The following SUGCT variants were observed in gnomAD, a reference collection of about 807,000 sequenced individuals.
The protein encoded by SUGCT is succinyl-CoA:glutarate-CoA transferase, also known as succinyl-CoA:glutarate CoA-transferase.
A neutral mutation model predicts 55.0 loss-of-function variants in SUGCT; 41 were observed. The observed-to-expected ratio is 0.74, with a 90% CI of 0.58 to 0.97. SUGCT has a LOEUF of 0.97. SUGCT is among the 50% of genes least tolerant of loss of function. The pLI, the probability that SUGCT is intolerant of heterozygous loss-of-function variation, is 0.00. For missense variants in SUGCT, 568 were observed against 547.8 expected, an observed-to-expected ratio of 1.04 and a Z score of -0.37; for synonymous variants, 187 against 200.4, an observed-to-expected ratio of 0.93 and a Z score of 0.56.
At chr7:40,293,112 A>T (rs1264390882) in intron 8 of SUGCT, among the ~76,000 whole-genome samples, 3 of 152,026 alleles carry the variant, frequency 2.0e-5, no homozygotes, top group Admixed American at 1.3e-4. Flanking sequence ...TTTTAATTGT[A>T]TGTAGTCATA....
At chr7:40,452,228 T>G (rs144406583) in intron 10 of SUGCT, among the ~76,000 whole-genome samples, 2 of 152,324 alleles carry the variant, frequency 1.3e-5, no homozygotes, top group East Asian at 3.9e-4. Flanking sequence ...CAAGTCCTAC[T>G]TAATGTTCCT....
chr7:40,776,049 G>A (rs979548755), intron 13 of SUGCT, among the ~76,000 whole-genome samples: 9 of 152,168 alleles, frequency 5.9e-5, no homozygotes, highest in African/African-American at 2.2e-4. Context: ...CCTTGGCCAA[G>A]TTCCTGCTGA....
the SUGCT span, among the ~76,000 whole-genome samples, chr7:40,986,816 A>C: frequency 6.6e-6 from 1 of 152,116 alleles, no homozygotes; most frequent in Non-Finnish European, 1.5e-5. Context: ...GCCATTATGC[A>C]ATTCTCCCTA....
At chr7:40,815,268 G>GTA (rs1791610442) in intron 13 of SUGCT, among the ~76,000 whole-genome samples, 1 of 152,236 alleles carries the variant, frequency 6.6e-6, no homozygotes, top group Admixed American at 6.5e-5. Context: ...CTGAGGGTGG[G>GTA]TACAGTGAGC....
At chr7:40,953,244 C>T in the SUGCT span, among the ~76,000 whole-genome samples, 310 of 152,298 alleles carry the variant, frequency 2.0e-3, 1 homozygote, top group African/African-American at 7.1e-3. Context: ...TTGATCGAAT[C>T]GGCTACTGAA....
intron 12 of SUGCT, among the ~76,000 whole-genome samples, chr7:40,690,929 A>G (rs191837545): frequency 3.9e-5 from 6 of 152,310 alleles, no homozygotes; most frequent in African/African-American, 7.2e-5. Context: ...GGTTGTAACT[A>G]GAAGTCACTG....
intron 1 of SUGCT, among the ~76,000 whole-genome samples, chr7:40,150,482 A>G (rs1788502725): frequency 6.6e-6 from 1 of 152,170 alleles, no homozygotes; most frequent in Non-Finnish European, 1.5e-5. Context: ...CAGCCTGGCC[A>G]ACATAGTGAA....
At chr7:40,892,132 TTAA>T in the SUGCT span, among the ~76,000 whole-genome samples, 26 of 152,204 alleles carry the variant, frequency 1.7e-4, no homozygotes, top group South Asian at 2.1e-4. Context: ...GATAAATGTA[TTAA>T]TAATAACTAT....
At chr7:40,299,259 A>G (rs565783559) in intron 8 of SUGCT, among the ~76,000 whole-genome samples, 1 of 152,320 alleles carries the variant, frequency 6.6e-6, no homozygotes, top group East Asian at 1.9e-4. Context: ...ATGGTGATGG[A>G]TATGGACTAA....
At chr7:40,196,669 A>G (rs898953696) in intron 6 of SUGCT, among the ~76,000 whole-genome samples, 6 of 152,134 alleles carry the variant, frequency 3.9e-5, no homozygotes, top group African/African-American at 1.4e-4. Context: ...GACAACACCA[A>G]GTGCACTAGC....
At chr7:40,164,808 C>G (rs1220035073) in intron 1 of SUGCT, among the ~76,000 whole-genome samples, 1 of 152,174 alleles carries the variant, frequency 6.6e-6, no homozygotes, top group Non-Finnish European at 1.5e-5. Flanking sequence ...CTCCTTGAGT[C>G]CATGAAGATC....
intron 12 of SUGCT, among the ~76,000 whole-genome samples, chr7:40,597,175 A>G (rs1316787771): frequency 6.6e-6 from 1 of 152,190 alleles, no homozygotes; most frequent in Non-Finnish European, 1.5e-5. Flanking sequence ...TGTTTCTCCA[A>G]AAGAAAATCC....
At chr7:40,761,245 C>G (rs79562541) in intron 13 of SUGCT, among the ~76,000 whole-genome samples, 1,986 of 152,210 alleles carry the variant, frequency 0.013, 23 homozygotes, top group Non-Finnish European at 0.021. Flanking sequence ...AAACTGGCCC[C>G]TTTGTTTGTT....
intron 5 of SUGCT, among the ~76,000 whole-genome samples, chr7:40,193,092 G>A (rs1786017152): frequency 6.7e-6 from 1 of 149,542 alleles, no homozygotes; most frequent in South Asian, 2.1e-4. Flanking sequence ...TCAACCTCCT[G>A]TGTAGCTGGG....
At chr7:40,942,078 A>G in the SUGCT span, among the ~76,000 whole-genome samples, 1 of 152,120 alleles carries the variant, frequency 6.6e-6, no homozygotes, top group South Asian at 2.1e-4. Context: ...ATATTGAGAT[A>G]TAAAGTACTA....
chr7:40,486,828 C>T (rs112920943), intron 11 of SUGCT, among the ~76,000 whole-genome samples: 208 of 150,322 alleles, frequency 1.4e-3, no homozygotes, highest in African/African-American at 4.5e-3. Flanking sequence ...TGGGCTAAAG[C>T]GCTCCTCCTG....
At chr7:40,650,441 A>G (rs1317127450) in intron 12 of SUGCT, among the ~76,000 whole-genome samples, 1 of 152,182 alleles carries the variant, frequency 6.6e-6, no homozygotes, top group Non-Finnish European at 1.5e-5. Flanking sequence ...GCAGGGTTGA[A>G]TAATCTGAGA....
intron 12 of SUGCT, chr7:40,684,021 C>A: frequency 6.2e-7 from 1 of 1,611,362 alleles, no homozygotes; most frequent in Non-Finnish European, 8.5e-7. Context: ...GGTTGTATGA[C>A]TGAGGTCTCT....
At chr7:40,562,705 C>T (rs1036442509) in intron 12 of SUGCT, among the ~76,000 whole-genome samples, 1 of 152,080 alleles carries the variant, frequency 6.6e-6, no homozygotes, top group South Asian at 2.1e-4. Context: ...TTAGAAGGTT[C>T]TCCTGTTTAG....
Sources: allele counts gnomAD v4.1 joint callset (sites outside exome capture counted in the v4.1 genomes callset), GRCh38; gene constraint gnomAD v4.1.1; transcripts MANE v1.5; gene names NCBI Gene and HGNC (gene_info 2026-07-23, HGNC 2026-07-21).